SH3TC2: variants seen among roughly 807,000 people sequenced by gnomAD.
SH3TC2 encodes SH3 domain and tetratricopeptide repeats 2, also known as SH3 domain and tetratricopeptide repeat-containing protein 2.
A neutral mutation model predicts 124.5 loss-of-function variants in SH3TC2; 87 were observed. The observed-to-expected ratio is 0.70, with a 90% CI of 0.59 to 0.84. SH3TC2 has a LOEUF of 0.84. Ranked by LOEUF, SH3TC2 falls within the 40% of genes least tolerant of loss-of-function variation. The probability of loss-of-function intolerance (pLI) is 0.00; values close to 1 mark genes in which losing one functional copy is unlikely to be tolerated. For missense variants in SH3TC2, 1,536 were observed against 1,566.4 expected, an observed-to-expected ratio of 0.98 and a Z score of 0.33; for synonymous variants, 634 against 628.5, an observed-to-expected ratio of 1.01 and a Z score of -0.13.
In SH3TC2 at chr5:148,997,892, A is replaced by C. The variant is rs1219351111; in HGVS notation, c.*6819T>G. 6.6e-6 allele frequency among the ~76,000 whole-genome samples: 1 copy of C among 152,240 alleles called. No individual in the cohort carries two copies. Among genetic ancestry groups the C allele is most frequent in the Non-Finnish European group, 1.5e-5 (1 of 68,048 alleles). On this transcript the variant is annotated 3_prime_UTR_variant, in exon 17 of 17. Coordinates refer to ENST00000515425, the MANE Select transcript of SH3TC2 (RefSeq NM_024577.4). Reference sequence around the variant, plus strand: ...GGTTTTGCATGAGACTTAATGCATAAAACACATTAACCTCAACTGTTATTT... The same window carrying C: ...GGTTTTGCATGAGACTTAATGCATACAACACATTAACCTCAACTGTTATTT...
chr5:149,004,937 C>G (rs1480284760), intron 16 of SH3TC2, 35 bp from the exon 17 acceptor site: 13 of 1,611,494 alleles, frequency 8.1e-6, no homozygotes, highest in Non-Finnish European at 2.5e-6. Flanking sequence ...GAAGAGACAG[C>G]ATTAGCAAAC....
chr5:149,015,556 C>T (rs1039224645), intron 12 of SH3TC2, among the ~76,000 whole-genome samples: 8 of 152,206 alleles, frequency 5.3e-5, no homozygotes, highest in Non-Finnish European at 8.8e-5. Context: ...CATGTTATCT[C>T]CTGTCCTTTC....
intron 2 of SH3TC2, 152 bp from the exon 3 acceptor site, chr5:149,048,141 G>A (rs558057000): frequency 2.7e-5 from 28 of 1,040,524 alleles, no homozygotes; most frequent in African/African-American, 6.3e-5. Context: ...AACACTTCTC[G>A]GAGCACTCCT....
intron 15 of SH3TC2, 170 bp downstream of exon 15, chr5:149,008,681 G>A: frequency 1.2e-6 from 1 of 856,404 alleles, no homozygotes; most frequent in Non-Finnish European, 1.9e-6. Flanking sequence ...TGACAAGCTT[G>A]AGGCTTATAG....
intron 8 of SH3TC2, among the ~76,000 whole-genome samples, chr5:149,034,744 G>A (rs1310269077): frequency 6.6e-6 from 1 of 152,088 alleles, no homozygotes; most frequent in African/African-American, 2.4e-5. Flanking sequence ...AGCAAATGCT[G>A]TCATTAATGA....
intron 1 of SH3TC2, chr5:149,057,634 T>C (rs1372513616): frequency 6.7e-6 from 1 of 149,092 alleles, no homozygotes; most frequent in East Asian, 1.9e-4. Context: ...CTTCCGATTT[T>C]AGCATACATG....
At chr5:149,041,724 T>A in intron 5 of SH3TC2, 107 bp from the exon 6 acceptor site, 9 of 1,258,786 alleles carry the variant, frequency 7.1e-6, no homozygotes, top group Non-Finnish European at 1.0e-5. Context: ...CTTTTCTTCC[T>A]GGAAGTAAAG....
At position 149,027,123 on chromosome 5, in the gene SH3TC2, C is replaced by T. The variant is rs1754079774; in HGVS notation, c.2609G>A (p.Gly870Glu). ...AGCCACTGCCTGGTTATGCACATCTCCCACCTCCTGGGCTCTGTTCAAGGC... is the reference window on the plus strand; with the variant it reads ...AGCCACTGCCTGGTTATGCACATCTTCCACCTCCTGGGCTCTGTTCAAGGC... ...LRALNRAQEV[G>E]DVHNQAVAMA... The change falls in exon 11 of 17, where the codon GGA becomes GAA. Residue 870 changes from glycine (G) to glutamate (E), a missense_variant. This residue lies in a region of SH3TC2 where 1,102 missense variants were observed against 1,098.6 expected (regional missense o/e 1.00). Coordinates refer to ENST00000515425, the MANE Select transcript of SH3TC2 (RefSeq NM_024577.4). 1.2e-6 allele frequency: 2 copies of T among 1,614,138 alleles called. No homozygotes were observed. Among genetic ancestry groups the T allele is most frequent in the Non-Finnish European group, 8.5e-7 (1 of 1,179,996 alleles).
intron 1 of SH3TC2, among the ~76,000 whole-genome samples, chr5:149,058,742 G>A (rs1215409230): frequency 1.3e-5 from 2 of 152,016 alleles, no homozygotes; most frequent in African/African-American, 4.8e-5. Flanking sequence ...GGGTAGTTGT[G>A]GGACTAAAAT....
chr5:149,009,775 G>A (rs766628729), intron 14 of SH3TC2, among the ~76,000 whole-genome samples: 32 of 151,840 alleles, frequency 2.1e-4, no homozygotes, highest in Non-Finnish European at 3.7e-4. Context: ...CTCATCCTTC[G>A]CAATAATATC....
chr5:149,018,884 A>G (rs371357841), intron 12 of SH3TC2, among the ~76,000 whole-genome samples: 9 of 152,336 alleles, frequency 5.9e-5, no homozygotes, highest in South Asian at 2.1e-4. Flanking sequence ...CCACCTTGAT[A>G]AAGTCTTCCC....
chr5:149,052,654 G>A (rs1277044553), intron 1 of SH3TC2, among the ~76,000 whole-genome samples: 1 of 152,138 alleles, frequency 6.6e-6, no homozygotes, highest in Admixed American at 6.5e-5. Context: ...AGACAATTGG[G>A]GTGTGGTTAT....
chr5:149,039,611 C>T (rs961648455), intron 7 of SH3TC2, among the ~76,000 whole-genome samples: 3 of 152,182 alleles, frequency 2.0e-5, no homozygotes, highest in Middle Eastern at 3.2e-3. Context: ...GTAAGAGAAA[C>T]TGTGCAAAGT....
In SH3TC2 at chr5:149,027,638, G is replaced by A. The variant is rs886060196; in HGVS notation, c.2094C>T (p.Ile698=). 6.2e-7 allele frequency: 1 copy of A among 1,614,248 alleles called. No individual in the cohort carries two copies. Among genetic ancestry groups the A allele is most frequent in the Non-Finnish European group, 8.5e-7 (1 of 1,180,042 alleles). Residue 698 remains isoleucine, a synonymous_variant, in exon 11 of 17, where the codon ATC becomes ATT. Transcript: ENST00000515425. ...GAAGAGACATCCCTTGGGCACTCTG[G>A]ATACCATGTTGCTGGACAGAGGCCA... is the stretch of plus-strand genomic sequence containing the variant. The part of the protein sequence containing the change: ...LAVASVQQHG[I]QSAQGMSLPI...
Position 149,007,063 on chromosome 5 carries a change from C to T in SH3TC2, c.3493G>A (p.Glu1165Lys), listed in dbSNP as rs1418932692. 2 of 1,614,086 alleles carry T rather than the reference C, an allele frequency of 1.2e-6. No individual in the cohort carries two copies. Among genetic ancestry groups the T allele is most frequent in the East Asian group, 2.2e-5 (1 of 44,896 alleles). Reference sequence around the variant, plus strand: ...GCCAGGCGGTGAAAGGCCACCAGCTCTTGCCTCTGATCTCCTAAGAATTGG... The same window carrying T: ...GCCAGGCGGTGAAAGGCCACCAGCTTTTGCCTCTGATCTCCTAAGAATTGG... ...LSTVTGDQRQ[E>K]LVAFHRLATV... The change falls in exon 16 of 17, where the codon GAG becomes AAG. Residue 1165 changes from glutamate (E) to lysine (K), a missense_variant. By Grantham distance (56) the Glu-to-Lys change is moderately conservative (BLOSUM62 1). Transcript: ENST00000515425.
chr5:149,060,204 G>A (rs1308064898), intron 1 of SH3TC2, among the ~76,000 whole-genome samples: 1 of 152,200 alleles, frequency 6.6e-6, no homozygotes, highest in Non-Finnish European at 1.5e-5. Flanking sequence ...TGAAAATAAG[G>A]GTGAAGTGCT....
rs1483284949 is a variant in SH3TC2, at chr5:149,027,878, G to A, written c.1854C>T (p.Tyr618=). The A allele has an allele frequency of 1.1e-5, 17 of 1,613,788 alleles. No homozygotes were observed. Among genetic ancestry groups the A allele is most frequent in the African/African-American group, 2.7e-5 (2 of 74,940 alleles). Residue 618 remains tyrosine (Y), a synonymous_variant, in exon 11 of 17, where the codon TAC becomes TAT. Transcript: ENST00000515425. The part of the protein sequence containing the change: ...SAKHELDVVA[Y]VLRQGIVVGS... ...CCACCACAATCCCCTGGCGCAGCAC[G>A]TAGGCCACCACGTCGAGTTCATGCT... is the stretch of plus-strand genomic sequence containing the variant.
Position 149,004,163 on chromosome 5 carries a change from C to G in SH3TC2, c.*548G>C, listed in dbSNP as rs959605067. ...CCATCTGGCCATTCTGAGGCTGTGT[C>G]TTTTGAGCTAAGATCCTGGTGAATT... On this transcript the variant is annotated 3_prime_UTR_variant, in exon 17 of 17. Transcript: ENST00000515425. The G allele has an allele frequency of 1.1e-5, 2 of 175,536 alleles. No homozygotes were observed. Among genetic ancestry groups the G allele is most frequent in the African/African-American group, 4.8e-5 (2 of 41,686 alleles). 10.9% of individuals were successfully genotyped at this position (175,536 alleles called of 1,614,324 possible).
rs1301764311 is a variant in SH3TC2, at chr5:149,026,934, C to T, written c.2798G>A (p.Gly933Glu). The T allele has an allele frequency of 6.2e-7, 1 of 1,614,188 alleles. No homozygotes were observed. The highest frequency in any genetic ancestry group is 8.5e-7 in the Non-Finnish European group (1 of 1,180,042). Residue 933 changes from glycine to glutamate, a missense_variant, in exon 11 of 17, where the codon GGA becomes GAA. Around this residue, in one of 3 missense-constraint regions of SH3TC2, gnomAD observed 426 missense variants for 443.5 expected, o/e 0.96. Coordinates refer to ENST00000515425, the MANE Select transcript of SH3TC2 (RefSeq NM_024577.4). ...FLWLAQVLVS[G>E]HQLTHGLLCY... ...AAGAAGGCCATGGGTCAGCTGGTGT[C>T]CAGACACCAGAACTTGGGCCAACCA...
Sources: gnomAD v4.1 joint callset for allele counts (sites outside exome capture counted in the v4.1 genomes callset) on GRCh38, gnomAD v4.1.1 for gene constraint, gnomAD v4.1.1 regional missense constraint, MANE v1.5 for transcripts, NCBI Gene and HGNC (gene_info 2026-07-23, HGNC 2026-07-21) for gene names.